Variants in KCNIP4 observed in about 807,000 individuals in gnomAD.
KCNIP4 encodes the protein Kv channel-interacting protein 4.
A neutral mutation model predicts 34.0 loss-of-function variants in KCNIP4; 12 were observed. The ratio of observed to expected loss-of-function variants is 0.35; its 90% CI spans 0.23 to 0.57. KCNIP4 has a LOEUF of 0.57. KCNIP4 is among the 20% of genes least tolerant of loss of function. The pLI is 0.83. For missense variants in KCNIP4, 238 were observed against 311.7 expected (o/e 0.76, Z 1.78); for synonymous variants, 124 against 102.2 (o/e 1.21, Z -1.29).
chr4:20,813,971 C>T (rs1716075926), intron 3 of KCNIP4, among the ~76,000 whole-genome samples: 1 of 152,182 alleles, frequency 6.6e-6, no homozygotes. Context: ...GGGTAGAAAG[C>T]CAAATGCAGA....
chr4:21,128,042 G>C (rs201356161), intron 1 of KCNIP4, among the ~76,000 whole-genome samples: 1 of 152,198 alleles, frequency 6.6e-6, no homozygotes, highest in East Asian at 1.9e-4. Context: ...TTATTAAAAG[G>C]GTTCCTGGTC....
intron 1 of KCNIP4, among the ~76,000 whole-genome samples, chr4:21,755,991 C>T (rs752082196): frequency 7.9e-5 from 12 of 152,078 alleles, no homozygotes; most frequent in East Asian, 1.9e-4. Context: ...ACATAAGTCA[C>T]GCAACACATT....
chr4:21,693,571 A>G (rs1021384787), intron 1 of KCNIP4, among the ~76,000 whole-genome samples: 16 of 152,152 alleles, frequency 1.1e-4, no homozygotes, highest in African/African-American at 3.6e-4. Flanking sequence ...TCAAAAATAA[A>G]TAAATAAATA....
chr4:21,273,934 A>G (rs1762298752), intron 1 of KCNIP4, among the ~76,000 whole-genome samples: 1 of 152,158 alleles, frequency 6.6e-6, no homozygotes, highest in Admixed American at 6.5e-5. Flanking sequence ...ATTCATATCT[A>G]AATTTGAAAT....
At chr4:21,710,344 C>T (rs115901452) in intron 1 of KCNIP4, among the ~76,000 whole-genome samples, 304 of 152,238 alleles carry the variant, frequency 2.0e-3, no homozygotes, top group African/African-American at 6.7e-3. Flanking sequence ...ATCAGAGAAG[C>T]GTGATTAAAT....
At chr4:21,353,541 GAT>G (rs1309275363) in intron 1 of KCNIP4, among the ~76,000 whole-genome samples, 1 of 152,104 alleles carries the variant, frequency 6.6e-6, no homozygotes, top group East Asian at 1.9e-4. Flanking sequence ...TGGAAGAAAG[GAT>G]ATCAGTGATT....
intron 1 of KCNIP4, among the ~76,000 whole-genome samples, chr4:20,892,405 CTCTT>C (rs1167343701): frequency 6.6e-6 from 1 of 152,144 alleles, no homozygotes; most frequent in Admixed American, 6.5e-5. Flanking sequence ...CTCTGTCTCA[CTCTT>C]TCTTAGTCTT....
At chr4:21,504,382 C>G (rs1246960422) in intron 1 of KCNIP4, among the ~76,000 whole-genome samples, 1 of 148,392 alleles carries the variant, frequency 6.7e-6, no homozygotes, top group Non-Finnish European at 1.5e-5. Flanking sequence ...GGAGGAGGAT[C>G]GTTTGAACCT....
At chr4:21,567,924 C>A (rs1454302516) in intron 1 of KCNIP4, among the ~76,000 whole-genome samples, 1 of 152,066 alleles carries the variant, frequency 6.6e-6, no homozygotes, top group Non-Finnish European at 1.5e-5. Flanking sequence ...AAACAGTTCA[C>A]AACGCAGAAG....
intron 3 of KCNIP4, among the ~76,000 whole-genome samples, chr4:20,771,431 C>T (rs1413930292): frequency 2.6e-5 from 4 of 152,114 alleles, no homozygotes; most frequent in Non-Finnish European, 5.9e-5. Context: ...CAAAAGCATT[C>T]TAACATAAGC....
intron 3 of KCNIP4, among the ~76,000 whole-genome samples, chr4:20,786,003 G>A (rs1037325256): frequency 2.6e-5 from 4 of 152,074 alleles, no homozygotes; most frequent in South Asian, 2.1e-4. Context: ...GCACTCATAC[G>A]TTTATCACAG....
intron 1 of KCNIP4, among the ~76,000 whole-genome samples, chr4:21,552,212 G>GA (rs982534037): frequency 7.9e-5 from 12 of 151,892 alleles, no homozygotes; most frequent in Middle Eastern, 3.4e-3. Context: ...CATTCATTTG[G>GA]AAAAAAATGC....
intron 1 of KCNIP4, among the ~76,000 whole-genome samples, chr4:21,200,798 A>G (rs1203916970): frequency 6.6e-6 from 1 of 151,930 alleles, no homozygotes; most frequent in East Asian, 1.9e-4. Context: ...AAATAAAAAA[A>G]ATAAAAATTT....
At chr4:21,270,512 A>G (rs954847912) in intron 1 of KCNIP4, among the ~76,000 whole-genome samples, 1 of 152,244 alleles carries the variant, frequency 6.6e-6, no homozygotes, top group Non-Finnish European at 1.5e-5. Flanking sequence ...CAAATAGATC[A>G]AGGTCAACTT....
chr4:21,373,968 G>GCC (rs76001030), intron 1 of KCNIP4, among the ~76,000 whole-genome samples: 90,366 of 145,878 alleles, frequency 0.62, 30,339 homozygotes, highest in East Asian at 0.68. Flanking sequence ...GCCTCCCAAG[G>GCC]TATTGGGATT....
chr4:21,370,770 T>A lies in KCNIP4; in HGVS notation c.62-488061A>T, dbSNP rs1156410936. Among the ~76,000 whole-genome samples, 19 of 110,704 alleles carry A rather than the reference T, an allele frequency of 1.7e-4. No homozygotes were observed. The Admixed American group carries it at 1.9e-3, about 11-fold the overall frequency. 72.6% of individuals were successfully genotyped at this position (110,704 alleles called of 152,430 possible). A position where few individuals can be genotyped will look rare whatever the true frequency, so the allele number is the denominator to read the frequency against. On this transcript the variant is annotated intron_variant, in intron 1 of 8. Coordinates refer to ENST00000382152, the MANE Select transcript of KCNIP4 (RefSeq NM_025221.6). Reference sequence around the variant, plus strand: ...CAGGAAGGAAAAATGACTGGCATGTTGGAGGAACAGACAGGAGGTCATGGA... The same window carrying A: ...CAGGAAGGAAAAATGACTGGCATGTAGGAGGAACAGACAGGAGGTCATGGA...
At chr4:21,507,689 C>T (rs935568979) in intron 1 of KCNIP4, among the ~76,000 whole-genome samples, 10 of 152,150 alleles carry the variant, frequency 6.6e-5, no homozygotes, top group Admixed American at 6.6e-4. Context: ...TAAAATGATG[C>T]AGTCAAATCT....
At chr4:21,745,365 G>A (rs1265520451) in intron 1 of KCNIP4, among the ~76,000 whole-genome samples, 2 of 152,138 alleles carry the variant, frequency 1.3e-5, no homozygotes, top group African/African-American at 2.4e-5. Flanking sequence ...TAGGTTCTTT[G>A]CCTTAATAAC....
rs151037718 is a variant in KCNIP4 at position 21,903,639 on chromosome 4, T to C, written c.61+44932A>G. Among the ~76,000 whole-genome samples the C allele has an allele frequency of 8.7e-3, 1,329 of 152,236 alleles. 15 individuals carry two copies. Among genetic ancestry groups the C allele is most frequent in the South Asian group, 0.034 (164 of 4,822 alleles). On this transcript the variant is annotated intron_variant, in intron 1 of 8. Transcript: ENST00000382152. ...AAACTCATTTATTATTCTTTTTTAA[T>C]ATAGAGTAAATTATAGAAATCTTAC...
Sources: gnomAD v4.1 joint callset for allele counts (sites outside exome capture counted in the v4.1 genomes callset) on GRCh38, gnomAD v4.1.1 for gene constraint, MANE v1.5 for transcripts, NCBI Gene and HGNC (gene_info 2026-07-23, HGNC 2026-07-21) for gene names.